The following PPP6R3 variants were observed in gnomAD, a reference collection of about 807,000 sequenced individuals.
PPP6R3 encodes protein phosphatase 6 regulatory subunit 3, also known as serine/threonine-protein phosphatase 6 regulatory subunit 3.
PPP6R3 carries 38 observed loss-of-function variants against 110.7 expected under a neutral mutation model. The observed-to-expected ratio is 0.34, with a 90% CI of 0.26 to 0.45. The LOEUF (loss-of-function observed/expected upper bound fraction) is 0.45. Ranked by LOEUF, PPP6R3 falls within the 20% of genes least tolerant of loss-of-function variation. The pLI is 1.00. For missense variants in PPP6R3, 870 were observed against 1,062.4 expected, an observed-to-expected ratio of 0.82 and a Z score of 2.52; for synonymous variants, 369 against 373.5, an observed-to-expected ratio of 0.99 and a Z score of 0.14.
At chr11:68,498,086 T>C (rs2099028390) in intron 1 of PPP6R3, among the ~76,000 whole-genome samples, 1 of 152,232 alleles carries the variant, frequency 6.6e-6, no homozygotes, top group Admixed American at 6.5e-5. Context: ...TTATTATATA[T>C]GACTTTGTGC....
chr11:68,487,999 C>T (rs995077324), intron 1 of PPP6R3, among the ~76,000 whole-genome samples: 2 of 152,152 alleles, frequency 1.3e-5, no homozygotes, highest in African/African-American at 4.8e-5. Context: ...ATCTATTCTC[C>T]CTTGCAGTTC....
At position 68,614,547 on chromosome 11, in the gene PPP6R3, G is replaced by A. The variant is rs1052116984; in HGVS notation, c.*1430G>A. 21 of 1,474,570 alleles carry A rather than the reference G, an allele frequency of 1.4e-5. No individual in the cohort carries two copies. The highest frequency in any genetic ancestry group is 7.3e-5 in the South Asian group (5 of 68,480). 91.3% of individuals were successfully genotyped at this position (1,474,570 alleles called of 1,614,324 possible). On this transcript the variant is annotated 3_prime_UTR_variant, in exon 24 of 24. Transcript: ENST00000393800. The stretch of plus-strand genomic sequence containing the variant: ...TTTTAGAAGTAGCATCCCAAGCAGC[G>A]TGCCTAAACATTACATTGCATATGG...
intron 1 of PPP6R3, among the ~76,000 whole-genome samples, chr11:68,476,356 G>T (rs1057330018): frequency 6.6e-6 from 1 of 151,914 alleles, no homozygotes; most frequent in African/African-American, 2.4e-5. Context: ...GCAGGCACTG[G>T]GCAGGCTGAG....
intron 9 of PPP6R3, 137 bp from the exon 10 acceptor site, chr11:68,566,877 C>T (rs2099474514): frequency 1.7e-6 from 1 of 599,142 alleles, no homozygotes; most frequent in South Asian, 3.8e-5. Context: ...ATATCAAGAG[C>T]AGCTTTAGAT....
chr11:68,596,614 A>G (rs990414002), intron 19 of PPP6R3, among the ~76,000 whole-genome samples: 7 of 152,272 alleles, frequency 4.6e-5, no homozygotes, highest in Admixed American at 6.5e-5. Flanking sequence ...CAGGGGACGC[A>G]GCCTTAGCTT....
intron 1 of PPP6R3, among the ~76,000 whole-genome samples, chr11:68,498,285 C>T (rs1471685553): frequency 6.6e-6 from 1 of 152,142 alleles, no homozygotes; most frequent in African/African-American, 2.4e-5. Context: ...AGAAATTGAA[C>T]AGTATAATGA....
intron 1 of PPP6R3, among the ~76,000 whole-genome samples, chr11:68,471,258 G>T (rs964142069): frequency 6.7e-6 from 1 of 149,954 alleles, no homozygotes; most frequent in Non-Finnish European, 1.5e-5. Context: ...ACTCCAGCCT[G>T]GGTGACAGAG....
At chr11:68,512,411 C>A (rs1186424363) in intron 1 of PPP6R3, among the ~76,000 whole-genome samples, 1 of 152,080 alleles carries the variant, frequency 6.6e-6, no homozygotes, top group Admixed American at 6.6e-5. Context: ...AGATCAGAAT[C>A]CCTGAAGATC....
intron 14 of PPP6R3, among the ~76,000 whole-genome samples, chr11:68,581,353 A>G (rs2099553803): frequency 6.6e-6 from 1 of 152,248 alleles, no homozygotes; most frequent in South Asian, 2.1e-4. Flanking sequence ...TTAATTAAAG[A>G]GTGTTAAAAT....
At chr11:68,536,314 G>A (rs1473714370) in intron 2 of PPP6R3, among the ~76,000 whole-genome samples, 3 of 151,818 alleles carry the variant, frequency 2.0e-5, no homozygotes, top group Non-Finnish European at 2.9e-5. Flanking sequence ...TGGAAACAGG[G>A]TCCTCACCCT....
intron 2 of PPP6R3, among the ~76,000 whole-genome samples, chr11:68,530,403 A>G (rs910124701): frequency 6.6e-6 from 1 of 152,188 alleles, no homozygotes. Context: ...ATTAAAAGTC[A>G]ATAACACATT....
chr11:68,476,235 C>T (rs932133974), intron 1 of PPP6R3, among the ~76,000 whole-genome samples: 6 of 152,304 alleles, frequency 3.9e-5, no homozygotes, highest in South Asian at 4.1e-4. Flanking sequence ...CCGAGGCTGG[C>T]GGATCACTCG....
intron 7 of PPP6R3, 37 bp downstream of exon 7, chr11:68,554,294 T>C (rs756289610): frequency 6.8e-7 from 1 of 1,473,564 alleles, no homozygotes; most frequent in Non-Finnish European, 9.4e-7. Context: ...TTCTTTCATA[T>C]TGATGCTGTT....
At chr11:68,555,341 A>G (rs534301047) in intron 7 of PPP6R3, among the ~76,000 whole-genome samples, 11 of 152,334 alleles carry the variant, frequency 7.2e-5, no homozygotes, top group African/African-American at 2.6e-4. Flanking sequence ...AGTAGGTTAG[A>G]AATGTTGAAT....
At position 68,613,803 on chromosome 11, in the gene PPP6R3, G is replaced by C; in HGVS notation, c.*686G>C. On this transcript the variant is annotated 3_prime_UTR_variant, in exon 24 of 24. Coordinates refer to ENST00000393800, the MANE Select transcript of PPP6R3 (RefSeq NM_001164161.2). ...GTTGATAAATTGATGTTATCGTAAAGCCATATGTTCTGTTCAAGTCTTGTT... is the reference window on the plus strand; with the variant it reads ...GTTGATAAATTGATGTTATCGTAAACCCATATGTTCTGTTCAAGTCTTGTT... 1 of 984,906 alleles carries C rather than the reference G, an allele frequency of 1.0e-6. No individual in the cohort carries two copies. Among genetic ancestry groups the C allele is most frequent in the Non-Finnish European group, 1.2e-6 (1 of 829,414 alleles). The allele number at this position is 984,906 out of a possible 1,614,324, so 61.0% of individuals were successfully genotyped here. A position where few individuals can be genotyped will look rare whatever the true frequency, so the allele number is the denominator to read the frequency against.
intron 7 of PPP6R3, among the ~76,000 whole-genome samples, chr11:68,556,281 G>GCTTT (rs2099399160): frequency 1.3e-5 from 2 of 152,260 alleles, no homozygotes; most frequent in Middle Eastern, 6.8e-3. Context: ...AGATGCTAAA[G>GCTTT]AGCAGGTACC....
At chr11:68,582,033 T>C (rs1221477167) in intron 14 of PPP6R3, among the ~76,000 whole-genome samples, 1 of 152,224 alleles carries the variant, frequency 6.6e-6, no homozygotes, top group Non-Finnish European at 1.5e-5. Context: ...TGAATTCTAC[T>C]GTGGGTTTAT....
chr11:68,599,252 GA>G (rs2099623220), intron 19 of PPP6R3, among the ~76,000 whole-genome samples: 3 of 152,216 alleles, frequency 2.0e-5, no homozygotes, highest in African/African-American at 2.4e-5. Context: ...CCCCAGCAAA[GA>G]ATTGAGGATT....
intron 2 of PPP6R3, among the ~76,000 whole-genome samples, chr11:68,536,250 T>A (rs1320129722): frequency 2.0e-5 from 3 of 152,126 alleles, no homozygotes; most frequent in Non-Finnish European, 2.9e-5. Flanking sequence ...TCTGATCTCC[T>A]AAAGTGGGTG....
Sources: gnomAD v4.1 joint callset for allele counts (sites outside exome capture counted in the v4.1 genomes callset) on GRCh38, gnomAD v4.1.1 for gene constraint, MANE v1.5 for transcripts, NCBI Gene and HGNC (gene_info 2026-07-23, HGNC 2026-07-21) for gene names.